Variants in GRM1 observed in about 807,000 individuals in gnomAD.
GRM1 encodes the protein glutamate metabotropic receptor 1, also known as metabotropic glutamate receptor 1.
A neutral mutation model predicts 90.9 loss-of-function variants in GRM1; 33 were observed. The ratio of observed to expected loss-of-function variants is 0.36; its 90% confidence interval spans 0.28 to 0.49. The LOEUF (loss-of-function observed/expected upper bound fraction) is 0.49. Ranked by LOEUF, GRM1 falls within the 20% of genes least tolerant of loss-of-function variation. The pLI, the probability that GRM1 is intolerant of heterozygous loss-of-function variation, is 0.99. For missense variants in GRM1, 1,190 were observed against 1,534.3 expected, an observed-to-expected ratio of 0.78 and a Z score of 3.75; for synonymous variants, 700 against 613.2, an observed-to-expected ratio of 1.14 and a Z score of -2.09.
chr6:146,316,130 C>T (rs920073920), intron 3 of GRM1, among the ~76,000 whole-genome samples: 2 of 152,176 alleles, frequency 1.3e-5, no homozygotes, highest in South Asian at 2.1e-4. Context: ...AGCAGGCCTG[C>T]ATTCCTTATG....
intron 5 of GRM1, among the ~76,000 whole-genome samples, chr6:146,363,694 G>A (rs532268637): frequency 4.9e-4 from 75 of 152,248 alleles, no homozygotes; most frequent in African/African-American, 1.8e-3. Flanking sequence ...AAATAGGTGT[G>A]TTCTCAGCTA....
intron 2 of GRM1, among the ~76,000 whole-genome samples, chr6:146,161,145 G>T (rs1326416839): frequency 2.6e-5 from 4 of 152,054 alleles, no homozygotes; most frequent in South Asian, 2.1e-4. Context: ...TTTTAGGAAG[G>T]TTGCTTGTTT....
chr6:146,132,743 G>A (rs920345443), intron 1 of GRM1, among the ~76,000 whole-genome samples: 7 of 152,164 alleles, frequency 4.6e-5, no homozygotes, highest in African/African-American at 1.4e-4. Flanking sequence ...GGGGAAGTCT[G>A]TCTTATTCTT....
intron 7 of GRM1, among the ~76,000 whole-genome samples, chr6:146,410,312 G>A (rs1463105458): frequency 6.6e-6 from 1 of 152,036 alleles, no homozygotes; most frequent in Non-Finnish European, 1.5e-5. Context: ...CAATTTATTG[G>A]TAAAGAAAAT....
At chr6:146,410,882 T>C (rs931662017) in intron 7 of GRM1, among the ~76,000 whole-genome samples, 2 of 152,222 alleles carry the variant, frequency 1.3e-5, no homozygotes, top group Non-Finnish European at 2.9e-5. Flanking sequence ...AAAAGTTATT[T>C]CAGGGCTAAT....
intron 1 of GRM1, among the ~76,000 whole-genome samples, chr6:146,132,281 G>A (rs1487860207): frequency 1.3e-5 from 2 of 151,782 alleles, no homozygotes; most frequent in African/African-American, 4.8e-5. Context: ...AACAGTGGAT[G>A]TGGTGGGGGG....
intron 2 of GRM1, among the ~76,000 whole-genome samples, chr6:146,290,851 G>T (rs1292796630): frequency 6.6e-6 from 1 of 152,052 alleles, no homozygotes; most frequent in African/African-American, 2.4e-5. Flanking sequence ...ATGAGATTTT[G>T]GACTTTGAGT....
intron 2 of GRM1, among the ~76,000 whole-genome samples, chr6:146,269,833 G>T (rs1402840723): frequency 6.6e-6 from 1 of 152,098 alleles, no homozygotes; most frequent in African/African-American, 2.4e-5. Flanking sequence ...AAAGTTTGAG[G>T]ACCATTGTTT....
chr6:146,283,674 T>C (rs770678719), intron 2 of GRM1, among the ~76,000 whole-genome samples: 6 of 152,220 alleles, frequency 3.9e-5, no homozygotes, highest in African/African-American at 4.8e-5. Flanking sequence ...GAGCTCATCA[T>C]TGACGTCAGA....
At chr6:146,149,959 G>T (rs185940251) in intron 1 of GRM1, among the ~76,000 whole-genome samples, 3 of 152,102 alleles carry the variant, frequency 2.0e-5, no homozygotes, top group Non-Finnish European at 2.9e-5. Context: ...TGGGAACACC[G>T]GGACAGGTGA....
intron 2 of GRM1, among the ~76,000 whole-genome samples, chr6:146,222,918 G>A (rs1164159609): frequency 2.0e-5 from 3 of 151,982 alleles, no homozygotes; most frequent in Admixed American, 1.3e-4. Context: ...GGGTGTTGAA[G>A]GCAGGTAAGA....
chr6:146,074,745 A>G (rs752453588), intron 1 of GRM1, among the ~76,000 whole-genome samples: 1 of 152,118 alleles, frequency 6.6e-6, no homozygotes, highest in Non-Finnish European at 1.5e-5. Flanking sequence ...TGTAACAACA[A>G]TTTTTATTGA....
intron 5 of GRM1, among the ~76,000 whole-genome samples, chr6:146,378,336 CTG>C (rs1355034841): frequency 7.2e-5 from 11 of 152,202 alleles, no homozygotes; most frequent in African/African-American, 2.4e-4. Flanking sequence ...CCTGGAAAAG[CTG>C]CAGACACTCA....
chr6:146,391,329 T>G (rs933594889), intron 6 of GRM1, among the ~76,000 whole-genome samples: 4 of 152,056 alleles, frequency 2.6e-5, no homozygotes, highest in African/African-American at 9.7e-5. Flanking sequence ...GTAGTTGGCT[T>G]GAAGGAAACT....
At chr6:146,374,157 TCGG>T (rs1270486567) in intron 5 of GRM1, among the ~76,000 whole-genome samples, 3 of 31,886 alleles carry the variant, frequency 9.4e-5, no homozygotes, top group East Asian at 1.4e-3. Flanking sequence ...ATATGATGTA[TCGG>T]TATCGCATTG....
At chr6:146,404,949 A>G (rs1343621971) in intron 7 of GRM1, among the ~76,000 whole-genome samples, 3 of 152,206 alleles carry the variant, frequency 2.0e-5, no homozygotes, top group East Asian at 1.9e-4. Context: ...TGAATCCAAG[A>G]CATGCATATG....
intron 2 of GRM1, among the ~76,000 whole-genome samples, chr6:146,304,410 T>C (rs919318615): frequency 6.6e-6 from 1 of 152,190 alleles, no homozygotes; most frequent in African/African-American, 2.4e-5. Context: ...ACTTTCACAA[T>C]TGTGAAAAAC....
intron 1 of GRM1, among the ~76,000 whole-genome samples, chr6:146,116,253 G>T (rs539900730): frequency 6.6e-6 from 1 of 152,106 alleles, no homozygotes; most frequent in African/African-American, 2.4e-5. Context: ...CATTGCACCT[G>T]GCCCCCATTC....
chr6:146,327,593 G>A (rs565948214), intron 3 of GRM1, among the ~76,000 whole-genome samples: 3 of 152,252 alleles, frequency 2.0e-5, no homozygotes, highest in Admixed American at 2.0e-4. Context: ...TTTGAGGTTA[G>A]CCAAGGTCGT....
Sources: gnomAD v4.1 joint callset for allele counts (sites outside exome capture counted in the v4.1 genomes callset) on GRCh38, gnomAD v4.1.1 for gene constraint, MANE v1.5 for transcripts, NCBI Gene and HGNC (gene_info 2026-07-23, HGNC 2026-07-21) for gene names.